Variants in ABCA9 observed in about 807,000 individuals in gnomAD.
ABCA9 encodes ATP-binding cassette sub-family A member 9.
ABCA9 carries 183 observed loss-of-function variants against 205.3 expected under a neutral mutation model. The observed-to-expected ratio is 0.89, with a 90% CI of 0.79 to 1.01. The LOEUF is 1.01. Ranked by LOEUF, ABCA9 falls within the 50% of genes least tolerant of loss-of-function variation. The pLI, the probability that ABCA9 is intolerant of heterozygous loss-of-function variation, is 0.00. For synonymous variants in ABCA9, 651 were observed against 683.3 expected (o/e 0.95, Z 0.74); for missense variants, 1,805 against 1,912.4 (o/e 0.94, Z 1.05).
rs370954353 is a variant in ABCA9 at position 68,983,761 on chromosome 17, G to A, written c.4588C>T (p.Pro1530Ser). 1 of 1,614,168 alleles carries A rather than the reference G, an allele frequency of 6.2e-7. No homozygotes were observed. The highest frequency in any genetic ancestry group is 1.6e-4 in the Middle Eastern group (1 of 6,062). The change falls in exon 36 of 39, where the codon CCC becomes TCC. Residue 1530 changes from proline to serine, a missense_variant. Coordinates refer to ENST00000340001, the MANE Select transcript of ABCA9 (RefSeq NM_080283.4). ...MKLKNLAQMEPLHAEILRLFP... is the reference protein window; with the variant it reads ...MKLKNLAQMESLHAEILRLFP... Reference sequence around the variant, plus strand: ...AGCCTCAGGATCTCTGCATGGAGGGGCTCCATTTGTGCCAGGTTCTTCAGC... The same window carrying A: ...AGCCTCAGGATCTCTGCATGGAGGGACTCCATTTGTGCCAGGTTCTTCAGC...
At chr17:69,055,248 C>T (rs1049158120) in intron 1 of ABCA9, among the ~76,000 whole-genome samples, 3 of 152,060 alleles carry the variant, frequency 2.0e-5, no homozygotes, top group African/African-American at 7.2e-5. Context: ...TACATGTTGT[C>T]TACATGAAAC....
chr17:69,008,655 A>C (rs999939229), intron 23 of ABCA9, among the ~76,000 whole-genome samples: 1 of 152,220 alleles, frequency 6.6e-6, no homozygotes, highest in South Asian at 2.1e-4. Flanking sequence ...TTGGCATTTT[A>C]TTTTGGGTCT....
chr17:69,072,958 T>C, the ABCA9 span, among the ~76,000 whole-genome samples: 1 of 152,142 alleles, frequency 6.6e-6, no homozygotes, highest in African/African-American at 2.4e-5. Context: ...TCCTAGTCTC[T>C]GATAAAACAG....
Position 68,990,042 on chromosome 17 carries a change from T to G in ABCA9, c.3838-112A>C, listed in dbSNP as rs537005201. On this transcript the variant is annotated intron_variant, in intron 29 of 38. Coordinates refer to ENST00000340001, the MANE Select transcript of ABCA9 (RefSeq NM_080283.4). ...TATAAAAAATCATGAATCAAACCAC[T>G]TCTTCCCCTAGAAACTGCCATTTTC... 49 of 760,788 alleles carry G rather than the reference T, an allele frequency of 6.4e-5. 1 individual carries two copies. In the South Asian group the frequency reaches 8.8e-4, roughly 14 times the overall value. 47.1% of individuals were successfully genotyped at this position (760,788 alleles called of 1,614,324 possible).
At chr17:68,998,456 T>C (rs936301222) in intron 25 of ABCA9, among the ~76,000 whole-genome samples, 1 of 152,176 alleles carries the variant, frequency 6.6e-6, no homozygotes, top group Non-Finnish European at 1.5e-5. Flanking sequence ...AGTTGGAAGT[T>C]TTCTCTTTTA....
chr17:69,074,307 A>G, the ABCA9 span, among the ~76,000 whole-genome samples: 10 of 152,270 alleles, frequency 6.6e-5, no homozygotes, highest in African/African-American at 1.4e-4. Flanking sequence ...GGTTTCTTAC[A>G]TGAGTATATT....
chr17:68,979,604 G>A (rs1365407754), intron 37 of ABCA9, among the ~76,000 whole-genome samples: 1 of 151,076 alleles, frequency 6.6e-6, no homozygotes, highest in Non-Finnish European at 1.5e-5. Context: ...CAATGGAACA[G>A]AACAGAGCCC....
At chr17:68,986,139 G>A (rs1245200446) in intron 32 of ABCA9, 25 bp downstream of exon 32, 6 of 1,577,296 alleles carry the variant, frequency 3.8e-6, no homozygotes, top group East Asian at 2.3e-5. Context: ...TCCAGCAAAG[G>A]GGAGTGCCCC....
intron 1 of ABCA9, among the ~76,000 whole-genome samples, chr17:69,058,473 T>C (rs1481065127): frequency 6.6e-6 from 1 of 152,158 alleles, no homozygotes; most frequent in Non-Finnish European, 1.5e-5. Context: ...CCATGGTCTA[T>C]TGCAGGGAAT....
intron 24 of ABCA9, 93 bp downstream of exon 24, chr17:69,007,969 G>T: frequency 2.1e-6 from 3 of 1,430,662 alleles, no homozygotes; most frequent in Non-Finnish European, 1.9e-6. Flanking sequence ...AATAGCACAG[G>T]TAATTTGAAG....
chr17:69,060,646 G>A (rs1009171733), intron 1 of ABCA9, among the ~76,000 whole-genome samples: 3 of 152,152 alleles, frequency 2.0e-5, no homozygotes, highest in Non-Finnish European at 4.4e-5. Context: ...TATGCTATTT[G>A]TCCAAAAATG....
intron 25 of ABCA9, among the ~76,000 whole-genome samples, chr17:69,002,964 T>G (rs2069944779): frequency 6.9e-6 from 1 of 145,708 alleles, no homozygotes; most frequent in South Asian, 2.3e-4. Context: ...GTTTTCCATT[T>G]GCTTGGTAGA....
chr17:69,005,180 G>A (rs2070081349), intron 25 of ABCA9, among the ~76,000 whole-genome samples: 1 of 152,150 alleles, frequency 6.6e-6, no homozygotes, highest in Admixed American at 6.5e-5. Flanking sequence ...GTAATATTTT[G>A]ATGTAGGGCC....
Position 69,027,731 on chromosome 17 carries a change from G to C in ABCA9, c.1700C>G (p.Ser567Cys). 1 of 1,613,040 alleles carries C rather than the reference G, an allele frequency of 6.2e-7. No homozygotes were observed. Among genetic ancestry groups the C allele is most frequent in the Admixed American group, 1.7e-5 (1 of 59,956 alleles). The change falls in exon 13 of 39, where the codon TCC (serine) becomes TGC (cysteine). Residue 567 changes from serine to cysteine, a missense_variant. Coordinates refer to ENST00000340001, the MANE Select transcript of ABCA9 (RefSeq NM_080283.4). ...ISKFTGFCPQ[S>C]NVQFGFLTVK... ...AGTGAGAAATCCAAATTGCACATTGGATTGTGGACAAAATCCAGTGAACTT... is the reference window on the plus strand; with the variant it reads ...AGTGAGAAATCCAAATTGCACATTGCATTGTGGACAAAATCCAGTGAACTT...
intron 37 of ABCA9, among the ~76,000 whole-genome samples, chr17:68,981,430 T>A (rs114157800): frequency 6.6e-6 from 1 of 152,010 alleles, no homozygotes; most frequent in Non-Finnish European, 1.5e-5. Flanking sequence ...TAATCCATTA[T>A]AAAATACTTC....
intron 27 of ABCA9, 97 bp from the exon 28 acceptor site, chr17:68,992,363 G>T (rs986813676): frequency 1.0e-5 from 8 of 775,834 alleles, no homozygotes; most frequent in African/African-American, 1.8e-5. Flanking sequence ...ATAAAAATTC[G>T]ATTTGATAGC....
At chr17:68,986,080 C>CAA (rs1259724070) in intron 32 of ABCA9, 84 bp downstream of exon 32, 8 of 1,400,850 alleles carry the variant, frequency 5.7e-6, no homozygotes, top group Non-Finnish European at 7.6e-6. Flanking sequence ...TCATCAATTA[C>CAA]AACCTCCCTG....
At chr17:69,049,589 C>T in intron 2 of ABCA9, 99 bp from the exon 3 acceptor site, 2 of 984,690 alleles carry the variant, frequency 2.0e-6, no homozygotes, top group Non-Finnish European at 2.9e-6. Flanking sequence ...TGTTATTTGG[C>T]TTGCATTCCA....
At chr17:69,053,469 T>C (rs1047524651) in intron 1 of ABCA9, among the ~76,000 whole-genome samples, 1 of 152,154 alleles carries the variant, frequency 6.6e-6, no homozygotes, top group African/African-American at 2.4e-5. Flanking sequence ...TGCTGCATCA[T>C]GCAGGAACGA....
Sources: gnomAD v4.1 joint callset for allele counts (sites outside exome capture counted in the v4.1 genomes callset) on GRCh38, gnomAD v4.1.1 for gene constraint, MANE v1.5 for transcripts, NCBI Gene and HGNC (gene_info 2026-07-23, HGNC 2026-07-21) for gene names.